The following SIPA1L1 variants were observed in gnomAD, a reference collection of about 807,000 sequenced individuals.
SIPA1L1 encodes the protein signal induced proliferation associated 1 like 1.
SIPA1L1 carries 26 observed loss-of-function variants against 162.7 expected under a neutral mutation model. The observed-to-expected ratio is 0.16, with a 90% confidence interval of 0.12 to 0.22. The LOEUF (loss-of-function observed/expected upper bound fraction) is 0.22, where lower values mean the gene tolerates loss of function less well. Among genes scored for constraint, SIPA1L1 ranks in the 10% least tolerant of loss-of-function variants. SIPA1L1 has a pLI of 1.00. For synonymous variants in SIPA1L1, 829 were observed against 837.4 expected (o/e 0.99, Z 0.17); for missense variants, 1,874 against 2,241.0 (o/e 0.84, Z 3.31).
chr14:71,659,214 A>G (rs149519048), intron 9 of SIPA1L1, among the ~76,000 whole-genome samples: 27 of 152,314 alleles, frequency 1.8e-4, no homozygotes, highest in African/African-American at 3.8e-4. Context: ...GAGCAGTCCA[A>G]TTTTACTTCT....
At chr14:71,543,992 T>C (rs540602070) in intron 4 of SIPA1L1, among the ~76,000 whole-genome samples, 47 of 150,568 alleles carry the variant, frequency 3.1e-4, no homozygotes, top group Admixed American at 7.3e-4. Context: ...CATGTATATA[T>C]ACACACACGC....
intron 5 of SIPA1L1, among the ~76,000 whole-genome samples, chr14:71,593,188 GTTAT>G (rs60160795): frequency 0.39 from 57,048 of 146,846 alleles, 14,371 homozygotes; most frequent in African/African-American, 0.69. Flanking sequence ...TGTGTTTTGT[GTTAT>G]TTATTTATTT....
At chr14:71,606,365 C>A (rs2037499876) in intron 5 of SIPA1L1, among the ~76,000 whole-genome samples, 1 of 152,086 alleles carries the variant, frequency 6.6e-6, no homozygotes, top group East Asian at 1.9e-4. Flanking sequence ...CTGGTGGTAG[C>A]AGTTTGCTGT....
At chr14:71,461,873 T>C (rs1036817866) in intron 2 of SIPA1L1, among the ~76,000 whole-genome samples, 2 of 152,188 alleles carry the variant, frequency 1.3e-5, no homozygotes, top group Non-Finnish European at 2.9e-5. Flanking sequence ...TAGTCTTCTC[T>C]TCCTCTGTCA....
At chr14:71,597,977 A>G (rs1274356261) in intron 5 of SIPA1L1, among the ~76,000 whole-genome samples, 1 of 152,266 alleles carries the variant, frequency 6.6e-6, no homozygotes, top group Non-Finnish European at 1.5e-5. Flanking sequence ...TTGTTGCTGA[A>G]CAAGGCCTAA....
intron 17 of SIPA1L1, among the ~76,000 whole-genome samples, chr14:71,711,265 C>T (rs779440525): frequency 7.9e-5 from 12 of 152,126 alleles, no homozygotes; most frequent in Non-Finnish European, 1.3e-4. Context: ...GATGTGTTTG[C>T]CAAAGTAGAA....
intron 2 of SIPA1L1, among the ~76,000 whole-genome samples, chr14:71,490,669 C>A (rs940353871): frequency 6.6e-6 from 1 of 152,200 alleles, no homozygotes; most frequent in Non-Finnish European, 1.5e-5. Flanking sequence ...CATTAACTAG[C>A]TCCTACAAAG....
At chr14:71,487,023 C>T (rs2048819210) in intron 2 of SIPA1L1, among the ~76,000 whole-genome samples, 1 of 152,174 alleles carries the variant, frequency 6.6e-6, no homozygotes, top group Admixed American at 6.5e-5. Flanking sequence ...TGGGTAGCTA[C>T]GCTGATTCAG....
In SIPA1L1 at chr14:71,398,688, G is replaced by T. The variant is rs116744653; in HGVS notation, c.-465+77507G>T. ...GTAGAAGTAGGCACCTGAGTTCCCT[G>T]GCTTTCTGAAGGGTGAGGCCAAAGC... On this transcript the variant is annotated intron_variant, in intron 2 of 23. Transcript: ENST00000381232. 6.7e-3 allele frequency among the ~76,000 whole-genome samples: 1,016 copies of T among 152,286 alleles called. 5 individuals are homozygous for T. Among genetic ancestry groups the T allele is most frequent in the African/African-American group, 0.023 (958 of 41,550 alleles).
intron 4 of SIPA1L1, among the ~76,000 whole-genome samples, chr14:71,532,629 C>T (rs140313992): frequency 1.6e-3 from 238 of 152,292 alleles, no homozygotes; most frequent in African/African-American, 5.4e-3. Flanking sequence ...TAAATTGGCA[C>T]AAATTATCCA....
rs766184659 is a variant in SIPA1L1 at position 71,735,385 on chromosome 14, A to G, written c.5117A>G (p.Tyr1706Cys). The part of the protein sequence containing the change: ...EDQALAQMKP[Y>C]SSSKDSSPTL... ...CAGGCTCTGGCCCAGATGAAGCCTT[A>G]CAGCAGGTTGGTCCCAGTGCAAGGG... Residue 1706 changes from tyrosine to cysteine, a missense_variant, in exon 22 of 24, where the codon TAC becomes TGC. By Grantham distance (194) the Tyr-to-Cys change is radical (BLOSUM62 -2). Transcript: ENST00000381232. 4.3e-6 allele frequency: 7 copies of G among 1,611,632 alleles called. No individual in the cohort carries two copies. Among genetic ancestry groups the G allele is most frequent in the Non-Finnish European group, 5.9e-6 (7 of 1,177,690 alleles).
At chr14:71,561,008 C>T (rs1313600877) in intron 4 of SIPA1L1, among the ~76,000 whole-genome samples, 4 of 152,104 alleles carry the variant, frequency 2.6e-5, no homozygotes, top group Non-Finnish European at 5.9e-5. Context: ...AGTCATAACA[C>T]TCTAAAATTG....
intron 2 of SIPA1L1, among the ~76,000 whole-genome samples, chr14:71,327,198 A>G (rs563964165): frequency 6.7e-6 from 1 of 149,788 alleles, no homozygotes; most frequent in African/African-American, 2.5e-5. Flanking sequence ...TTCTCCTGCA[A>G]CAGCCTCCTG....
intron 2 of SIPA1L1, among the ~76,000 whole-genome samples, chr14:71,384,358 C>T (rs1022034963): frequency 6.6e-6 from 1 of 152,020 alleles, no homozygotes; most frequent in African/African-American, 2.4e-5. Context: ...TTGTGTGGGG[C>T]CTGGGTTTGG....
At chr14:71,609,166 T>G (rs945317168) in intron 5 of SIPA1L1, among the ~76,000 whole-genome samples, 2 of 152,192 alleles carry the variant, frequency 1.3e-5, no homozygotes, top group African/African-American at 4.8e-5. Context: ...CTTGTTATAA[T>G]AAATAATGCT....
intron 7 of SIPA1L1, among the ~76,000 whole-genome samples, chr14:71,647,356 G>A (rs1017674369): frequency 9.9e-5 from 15 of 151,684 alleles, no homozygotes; most frequent in Non-Finnish European, 2.2e-4. Context: ...ACTACTTTGG[G>A]GGATGTTTTC....
chr14:71,378,259 G>T (rs1041651843), intron 2 of SIPA1L1, among the ~76,000 whole-genome samples: 1 of 151,498 alleles, frequency 6.6e-6, no homozygotes, highest in African/African-American at 2.4e-5. Flanking sequence ...TTCTATTTTG[G>T]GTTTAGTTTG....
chr14:71,507,191 T>C (rs2050746934), intron 2 of SIPA1L1, among the ~76,000 whole-genome samples: 1 of 152,232 alleles, frequency 6.6e-6, no homozygotes, highest in Non-Finnish European at 1.5e-5. Context: ...TTTTTCACTT[T>C]ATTAACTGAT....
At chr14:71,595,303 T>C (rs1301634288) in intron 5 of SIPA1L1, among the ~76,000 whole-genome samples, 2 of 152,228 alleles carry the variant, frequency 1.3e-5, no homozygotes, top group Admixed American at 1.3e-4. Context: ...TCAGCCCCTT[T>C]AGAAAGTTCA....
Sources: allele counts gnomAD v4.1 joint callset (sites outside exome capture counted in the v4.1 genomes callset), GRCh38; gene constraint gnomAD v4.1.1; transcripts MANE v1.5; gene names NCBI Gene and HGNC (gene_info 2026-07-23, HGNC 2026-07-21).